CEP112: variants seen among roughly 807,000 people sequenced by gnomAD.
The protein encoded by CEP112 is centrosomal protein 112.
CEP112 carries 127 observed loss-of-function variants against 153.0 expected under a neutral mutation model. The observed-to-expected ratio is 0.83, with a 90% CI of 0.72 to 0.96. The LOEUF is 0.96. CEP112 is among the 40% of genes least tolerant of loss of function. The probability of loss-of-function intolerance (pLI) is 0.00; values close to 1 mark genes in which losing one functional copy is unlikely to be tolerated. For synonymous variants in CEP112, 358 were observed against 374.4 expected, an observed-to-expected ratio of 0.96 and a Z score of 0.51; for missense variants, 1,089 against 1,101.2, an observed-to-expected ratio of 0.99 and a Z score of 0.16.
intron 12 of CEP112, among the ~76,000 whole-genome samples, chr17:66,051,216 C>A (rs79848202): frequency 6.6e-6 from 1 of 151,278 alleles, no homozygotes; most frequent in East Asian, 1.9e-4. Context: ...TGGGCTCAAT[C>A]AATCTAACTA....
At chr17:65,769,808 T>C (rs997272150) in intron 21 of CEP112, among the ~76,000 whole-genome samples, 1 of 152,198 alleles carries the variant, frequency 6.6e-6, no homozygotes, top group Non-Finnish European at 1.5e-5. Context: ...GTGAGTTTAC[T>C]TCTCTGATAA....
At chr17:65,788,560 C>T (rs770754787) in intron 21 of CEP112, among the ~76,000 whole-genome samples, 2 of 152,054 alleles carry the variant, frequency 1.3e-5, no homozygotes, top group African/African-American at 4.8e-5. Context: ...AAACTAAATG[C>T]TATATTTATT....
At chr17:65,829,084 G>A (rs1366091064) in intron 21 of CEP112, among the ~76,000 whole-genome samples, 2 of 151,758 alleles carry the variant, frequency 1.3e-5, no homozygotes, top group African/African-American at 4.8e-5. Flanking sequence ...TTAAAATTAC[G>A]CTTGGTAATA....
chr17:65,938,375 C>A (rs1230874608), intron 18 of CEP112, among the ~76,000 whole-genome samples: 1 of 137,644 alleles, frequency 7.3e-6, no homozygotes, highest in African/African-American at 2.7e-5. Context: ...TATGACCCTG[C>A]CAAATCCCCC....
At chr17:65,798,586 T>C (rs1194159610) in intron 21 of CEP112, among the ~76,000 whole-genome samples, 2 of 152,242 alleles carry the variant, frequency 1.3e-5, no homozygotes, top group Non-Finnish European at 2.9e-5. Context: ...CAATTTCATT[T>C]AGATTTGCAC....
chr17:66,081,508 T>C (rs1568469125), intron 8 of CEP112, among the ~76,000 whole-genome samples: 1 of 152,124 alleles, frequency 6.6e-6, no homozygotes, highest in African/African-American at 2.4e-5. Flanking sequence ...GAATGCTATG[T>C]TTCATATGAA....
intron 23 of CEP112, among the ~76,000 whole-genome samples, chr17:65,718,408 C>CA (rs775958879): frequency 0.016 from 1,525 of 94,870 alleles, 7 homozygotes; most frequent in Admixed American, 0.022. Flanking sequence ...AACTCCATCT[C>CA]AAAAAAAAAA....
chr17:65,854,168 C>T (rs1170665658), intron 20 of CEP112, among the ~76,000 whole-genome samples: 2 of 152,104 alleles, frequency 1.3e-5, no homozygotes, highest in African/African-American at 4.8e-5. Context: ...CCAACATTTC[C>T]TTGACTGGAA....
intron 24 of CEP112, among the ~76,000 whole-genome samples, chr17:65,660,488 TTCC>T (rs2046330803): frequency 8.1e-6 from 1 of 123,350 alleles, no homozygotes; most frequent in African/African-American, 3.4e-5. Context: ...CCTTCCTTCC[TTCC>T]TTCCTTCCTT....
At chr17:65,663,977 C>T (rs1377528023) in intron 24 of CEP112, among the ~76,000 whole-genome samples, 4 of 152,046 alleles carry the variant, frequency 2.6e-5, no homozygotes, top group Non-Finnish European at 4.4e-5. Context: ...ACCCGGGAGG[C>T]GGAGCTTGCA....
intron 24 of CEP112, among the ~76,000 whole-genome samples, chr17:65,676,053 T>A (rs1333975828): frequency 3.3e-5 from 5 of 152,138 alleles, no homozygotes; most frequent in Non-Finnish European, 7.4e-5. Context: ...AAAATGCCAT[T>A]TAAGGCCAGG....
intron 20 of CEP112, among the ~76,000 whole-genome samples, chr17:65,869,692 G>C (rs1212405744): frequency 6.7e-6 from 1 of 149,150 alleles, no homozygotes; most frequent in Non-Finnish European, 1.5e-5. Flanking sequence ...CCATTCTCCT[G>C]CCTCAGCCTC....
chr17:65,736,546 G>A (rs753168758), intron 23 of CEP112, among the ~76,000 whole-genome samples: 6 of 152,044 alleles, frequency 3.9e-5, no homozygotes, highest in African/African-American at 4.8e-5. Flanking sequence ...TGTATATAGA[G>A]AAAACAAAAT....
chr17:65,704,750 T>G (rs1376703191), intron 23 of CEP112, among the ~76,000 whole-genome samples: 1 of 152,210 alleles, frequency 6.6e-6, no homozygotes, highest in Non-Finnish European at 1.5e-5. Context: ...ACATGACGGA[T>G]AGAAATCATT....
chr17:65,868,976 A>C (rs1046335261), intron 20 of CEP112, among the ~76,000 whole-genome samples: 2 of 152,306 alleles, frequency 1.3e-5, no homozygotes, highest in Admixed American at 1.3e-4. Context: ...TGTTCTCATA[A>C]GTTATTGCAT....
rs983819418 is a variant in CEP112 at position 65,976,378 on chromosome 17, C to T, written c.1737-14780G>A. Among the ~76,000 whole-genome samples the T allele has an allele frequency of 5.9e-5, 9 of 152,122 alleles. No individual in the cohort carries two copies. In the South Asian group the frequency reaches 1.0e-3, roughly 17 times the overall value. The stretch of plus-strand genomic sequence containing the variant: ...CCTTGACTGTCTCCCAAATCAAAAA[C>T]GTTACCCTTTTTTTTAGGTTCTACA... On this transcript the variant is annotated intron_variant, in intron 17 of 26. Transcript: ENST00000535342.
chr17:66,002,205 G>A (rs1476732614), intron 17 of CEP112, among the ~76,000 whole-genome samples: 4 of 120,956 alleles, frequency 3.3e-5, no homozygotes, highest in Non-Finnish European at 7.1e-5. Flanking sequence ...TCAATTGCTT[G>A]GAGAGAGTAT....
At chr17:66,118,982 G>A (rs2069440188) in intron 6 of CEP112, among the ~76,000 whole-genome samples, 1 of 151,988 alleles carries the variant, frequency 6.6e-6, no homozygotes, top group South Asian at 2.1e-4. Flanking sequence ...AAGAAAATGT[G>A]GTACATATAC....
intron 20 of CEP112, among the ~76,000 whole-genome samples, chr17:65,864,056 G>A (rs1206861282): frequency 1.3e-5 from 2 of 150,862 alleles, no homozygotes; most frequent in Admixed American, 6.6e-5. Context: ...CAGGAGAATC[G>A]CTTGAACCCG....
Sources: gnomAD v4.1 joint callset for allele counts (sites outside exome capture counted in the v4.1 genomes callset) on GRCh38, gnomAD v4.1.1 for gene constraint, MANE v1.5 for transcripts, NCBI Gene and HGNC (gene_info 2026-07-23, HGNC 2026-07-21) for gene names.